The following VWA3B variants were observed in gnomAD, a reference collection of about 807,000 sequenced individuals.
The protein encoded by VWA3B is von Willebrand factor A domain containing 3B.
A neutral mutation model predicts 158.3 loss-of-function variants in VWA3B; 138 were observed. The observed-to-expected ratio is 0.87, with a 90% CI of 0.76 to 1.00. The LOEUF (loss-of-function observed/expected upper bound fraction) is 1.00. Among genes scored for constraint, VWA3B ranks in the 50% least tolerant of loss-of-function variants. The pLI is 0.00. For missense variants in VWA3B, 1,555 were observed against 1,565.1 expected (o/e 0.99, Z 0.11); for synonymous variants, 596 against 587.3 (o/e 1.01, Z -0.21).
rs55742932 is a variant in VWA3B, at chr2:98,248,823, T to TTTTCTTTC, written c.2674-1441_2674-1434dup. Among the ~76,000 whole-genome samples the TTTTCTTTC allele has an allele frequency of 1.8e-3, 250 of 137,798 alleles. 2 individuals are homozygous for TTTTCTTTC. Among genetic ancestry groups the TTTTCTTTC allele is most frequent in the Non-Finnish European group, 2.7e-3 (169 of 62,692 alleles). The allele number at this position is 137,798 out of a possible 152,430, so 90.4% of individuals were successfully genotyped here. On this transcript the variant is annotated intron_variant, in intron 19 of 27. Transcript: ENST00000477737. ...TCTCTCTGTCTCTCTTTCTCTTTCTTTTTCTTTCTTTCTTTCTTTCTTTCT... is the reference window on the plus strand; with the variant it reads ...TCTCTCTGTCTCTCTTTCTCTTTCTTTTTCTTTCTTTCTTTCTTTCTTTCTTTCTTTCT...
At chr2:98,278,267 G>A (rs982291199) in intron 22 of VWA3B, among the ~76,000 whole-genome samples, 1 of 152,236 alleles carries the variant, frequency 6.6e-6, no homozygotes, top group African/African-American at 2.4e-5. Context: ...CAGGGGCCAA[G>A]ATGAGTACTT....
chr2:98,275,287 CA>C (rs1688453260), intron 22 of VWA3B, among the ~76,000 whole-genome samples: 1 of 152,212 alleles, frequency 6.6e-6, no homozygotes, highest in Admixed American at 6.5e-5. Flanking sequence ...AGTTCACTTT[CA>C]GCGCTCTTGA....
the VWA3B span, among the ~76,000 whole-genome samples, chr2:98,326,476 A>G: frequency 6.6e-6 from 1 of 152,230 alleles, no homozygotes; most frequent in Non-Finnish European, 1.5e-5. Flanking sequence ...AGACAAAATT[A>G]TAGGCTGGGC....
intron 7 of VWA3B, among the ~76,000 whole-genome samples, chr2:98,147,080 A>G (rs1014484713): frequency 2.6e-5 from 4 of 152,234 alleles, no homozygotes; most frequent in Non-Finnish European, 5.9e-5. Flanking sequence ...TTTTGAAAGC[A>G]TGATATACAA....
chr2:98,324,742 T>C, the VWA3B span, among the ~76,000 whole-genome samples: 3 of 152,128 alleles, frequency 2.0e-5, no homozygotes, highest in Non-Finnish European at 2.9e-5. Flanking sequence ...AGAAAAAATA[T>C]AAGCCAATTA....
the VWA3B span, among the ~76,000 whole-genome samples, chr2:98,319,485 A>T: frequency 6.6e-6 from 1 of 152,242 alleles, no homozygotes; most frequent in Non-Finnish European, 1.5e-5. Flanking sequence ...CCTGGCAGAA[A>T]AATAGGCAAA....
chr2:98,129,258 T>TGTGTGTGTGG (rs1559556636), intron 6 of VWA3B, among the ~76,000 whole-genome samples: 1 of 135,118 alleles, frequency 7.4e-6, no homozygotes, highest in African/African-American at 2.8e-5. Flanking sequence ...TGTGTGTGTG[T>TGTGTGTGTGG]GGAGAGAGAG....
intron 19 of VWA3B, chr2:98,245,599 G>A (rs954358720): frequency 4.4e-6 from 2 of 456,914 alleles, no homozygotes; most frequent in Non-Finnish European, 8.8e-6. Context: ...CCACAAAAGA[G>A]GGAAGTAGAA....
At chr2:98,195,576 G>A (rs113976539) in intron 12 of VWA3B, among the ~76,000 whole-genome samples, 4 of 151,846 alleles carry the variant, frequency 2.6e-5, no homozygotes, top group African/African-American at 7.2e-5. Context: ...TGTGACATAC[G>A]TTCTGTCCTT....
At chr2:98,166,314 G>A (rs1679068044) in intron 8 of VWA3B, among the ~76,000 whole-genome samples, 1 of 152,136 alleles carries the variant, frequency 6.6e-6, no homozygotes, top group Admixed American at 6.5e-5. Flanking sequence ...TCCGGTCTGG[G>A]CAACAGAGCG....
At chr2:98,144,724 G>A (rs1203546624) in intron 7 of VWA3B, among the ~76,000 whole-genome samples, 1 of 151,892 alleles carries the variant, frequency 6.6e-6, no homozygotes, top group South Asian at 2.1e-4. Context: ...CTGCCACCAC[G>A]CCTAGGTAAT....
chr2:98,095,153 T>A (rs571443365), intron 2 of VWA3B, among the ~76,000 whole-genome samples: 24 of 152,354 alleles, frequency 1.6e-4, no homozygotes, highest in Middle Eastern at 3.4e-3. Flanking sequence ...TTTTTCTATG[T>A]CTGTGAAGAA....
chr2:98,216,986 G>GCCCC (rs377332244), intron 13 of VWA3B: 7 of 1,265,388 alleles, frequency 5.5e-6, no homozygotes, highest in Middle Eastern at 3.3e-4. Flanking sequence ...GTAAGCACCC[G>GCCCC]CCCCGCACCC....
chr2:98,187,970 C>T lies in VWA3B; in HGVS notation c.1312-5C>T. On this transcript the variant is annotated splice_polypyrimidine_tract_variant and splice_region_variant and intron_variant, in intron 9 of 27. Transcript: ENST00000477737. ...AGTGGCTTCTGTCCTTTGTCATCTC[C>T]TTAGGAGACGAACAAGAAGACAGTC... 1 of 1,608,522 alleles carries T rather than the reference C, an allele frequency of 6.2e-7. No individual in the cohort carries two copies. Among genetic ancestry groups the T allele is most frequent in the East Asian group, 2.2e-5 (1 of 44,814 alleles).
At chr2:98,233,308 C>T (rs1026634064) in intron 16 of VWA3B, among the ~76,000 whole-genome samples, 1 of 152,070 alleles carries the variant, frequency 6.6e-6, no homozygotes, top group African/African-American at 2.4e-5. Flanking sequence ...CTACAGAGTC[C>T]GGGGAGGGGC....
chr2:98,225,578 A>G (rs1419400261), intron 14 of VWA3B, among the ~76,000 whole-genome samples: 1 of 152,156 alleles, frequency 6.6e-6, no homozygotes, highest in African/African-American at 2.4e-5. Context: ...TCAACATACT[A>G]CTGGAAGTTC....
chr2:98,088,352 A>G (rs1390504225), intron 1 of VWA3B, among the ~76,000 whole-genome samples: 2 of 152,200 alleles, frequency 1.3e-5, no homozygotes, highest in African/African-American at 4.8e-5. Context: ...CTCCGAGCAC[A>G]TAGGACCTTT....
chr2:98,191,291 C>T (rs973840821), intron 10 of VWA3B, among the ~76,000 whole-genome samples: 1 of 152,182 alleles, frequency 6.6e-6, no homozygotes, highest in Non-Finnish European at 1.5e-5. Flanking sequence ...TCCTTTTCCA[C>T]TAATTCTATC....
At chr2:98,218,491 A>C (rs1442866399) in intron 14 of VWA3B, among the ~76,000 whole-genome samples, 2 of 152,234 alleles carry the variant, frequency 1.3e-5, no homozygotes, top group African/African-American at 4.8e-5. Flanking sequence ...AATCACTGCT[A>C]TACACAGATA....
Sources: allele counts gnomAD v4.1 joint callset (sites outside exome capture counted in the v4.1 genomes callset), GRCh38; gene constraint gnomAD v4.1.1; transcripts MANE v1.5; gene names NCBI Gene and HGNC (gene_info 2026-07-23, HGNC 2026-07-21).